Variants in LIN52 observed in about 807,000 individuals in gnomAD.
LIN52 encodes lin-52 DREAM MuvB core complex component, also known as protein lin-52 homolog.
Under a neutral mutation model 18.5 loss-of-function variants are expected in LIN52, and 4 were observed. That is an observed-to-expected ratio of 0.22 (90% CI 0.11 to 0.49). The LOEUF (loss-of-function observed/expected upper bound fraction) is 0.49. Among genes scored for constraint, LIN52 ranks in the 20% least tolerant of loss-of-function variants. The pLI is 0.97. For missense variants in LIN52, 102 were observed against 139.5 expected, an observed-to-expected ratio of 0.73 and a Z score of 1.35; for synonymous variants, 34 against 45.5, an observed-to-expected ratio of 0.75 and a Z score of 1.02.
intron 1 of LIN52, among the ~76,000 whole-genome samples, chr14:74,090,983 T>A (rs2060769090): frequency 6.6e-6 from 1 of 152,144 alleles, no homozygotes; most frequent in South Asian, 2.1e-4. Context: ...TGCAGGTGGG[T>A]TCATTGATAC....
chr14:74,086,323 C>T (rs185819073), intron 1 of LIN52, among the ~76,000 whole-genome samples: 75 of 152,032 alleles, frequency 4.9e-4, no homozygotes, highest in Non-Finnish European at 9.9e-4. Context: ...TAAGTTTAAC[C>T]GAGTCTTAAA....
intron 5 of LIN52, among the ~76,000 whole-genome samples, chr14:74,171,440 A>G (rs2061270160): frequency 1.3e-5 from 2 of 152,034 alleles, no homozygotes; most frequent in South Asian, 4.1e-4. Flanking sequence ...TGTTTCAGAA[A>G]GATGATTTTC....
chr14:74,106,583 A>G (rs919046002), intron 5 of LIN52, among the ~76,000 whole-genome samples: 15 of 150,694 alleles, frequency 1.0e-4, no homozygotes, highest in African/African-American at 3.4e-4. Context: ...AGCCTGATTT[A>G]TTATTTATTT....
chr14:74,139,360 G>A (rs1039639365), intron 5 of LIN52, among the ~76,000 whole-genome samples: 1 of 152,214 alleles, frequency 6.6e-6, no homozygotes, highest in Non-Finnish European at 1.5e-5. Context: ...CAAGAGCAGT[G>A]GGGTCAGTAG....
chr14:74,143,658 A>G (rs1346432311), intron 5 of LIN52, among the ~76,000 whole-genome samples: 2 of 152,126 alleles, frequency 1.3e-5, no homozygotes, highest in Non-Finnish European at 2.9e-5. Flanking sequence ...TTTTTAATTG[A>G]TACATTATAA....
intron 1 of LIN52, among the ~76,000 whole-genome samples, chr14:74,086,877 A>G (rs1406341385): frequency 6.6e-6 from 1 of 152,174 alleles, no homozygotes; most frequent in African/African-American, 2.4e-5. Flanking sequence ...CAATTAATGT[A>G]CTTAATACCA....
intron 5 of LIN52, among the ~76,000 whole-genome samples, chr14:74,165,924 T>A (rs1275237863): frequency 6.6e-6 from 1 of 151,836 alleles, no homozygotes; most frequent in Non-Finnish European, 1.5e-5. Flanking sequence ...AGAGTTTCGT[T>A]CTTCTTGCCC....
At chr14:74,086,641 C>T (rs1277819336) in intron 1 of LIN52, among the ~76,000 whole-genome samples, 1 of 150,972 alleles carries the variant, frequency 6.6e-6, no homozygotes, top group Non-Finnish European at 1.5e-5. Context: ...TGTGACAAAG[C>T]GAGACCCCGT....
intron 1 of LIN52, among the ~76,000 whole-genome samples, chr14:74,087,128 A>G (rs1384123880): frequency 1.3e-5 from 2 of 152,096 alleles, no homozygotes; most frequent in African/African-American, 4.8e-5. Context: ...TAAAAACATT[A>G]AATTTGGCTT....
In LIN52 at chr14:74,114,492, G is replaced by A. The variant is rs184938191; in HGVS notation, c.283+13254G>A. The A allele has an allele frequency of 1.1e-3, 923 of 865,116 alleles. 1 individual carries two copies. The highest frequency in any genetic ancestry group is 6.1e-3 in the South Asian group (115 of 18,910). The allele number at this position is 865,116 out of a possible 1,614,324, so 53.6% of individuals were successfully genotyped here. ...TTGGAATTTTTAGGAGTAGGTAAAT[G>A]TCTGGATGGGGATGTTACGGGATAA... On this transcript the variant is annotated intron_variant, in intron 5 of 5. Coordinates refer to ENST00000555028, the MANE Select transcript of LIN52 (RefSeq NM_001024674.3).
intron 5 of LIN52, among the ~76,000 whole-genome samples, chr14:74,125,791 A>G (rs1337488861): frequency 1.3e-5 from 2 of 151,314 alleles, no homozygotes; most frequent in Non-Finnish European, 2.9e-5. Context: ...CACAAGGATA[A>G]AAAACCAAAC....
chr14:74,103,178 A>T (rs144796319), intron 5 of LIN52, among the ~76,000 whole-genome samples: 22 of 152,068 alleles, frequency 1.4e-4, no homozygotes, highest in African/African-American at 5.3e-4. Flanking sequence ...TCTTGGGTTC[A>T]AGTGATTTTC....
chr14:74,090,683 C>T (rs760677781), intron 1 of LIN52, among the ~76,000 whole-genome samples: 2 of 152,072 alleles, frequency 1.3e-5, no homozygotes, highest in Non-Finnish European at 2.9e-5. Flanking sequence ...TTGATTGGTA[C>T]TGCTCCTTTT....
chr14:74,142,537 C>G (rs1217304606), intron 5 of LIN52, among the ~76,000 whole-genome samples: 1 of 151,998 alleles, frequency 6.6e-6, no homozygotes, highest in Admixed American at 6.5e-5. Flanking sequence ...TAGCCACTAA[C>G]TGCATGTGTT....
intron 5 of LIN52, among the ~76,000 whole-genome samples, chr14:74,133,271 G>C (rs575691238): frequency 6.6e-6 from 1 of 152,326 alleles, no homozygotes; most frequent in East Asian, 1.9e-4. Flanking sequence ...ATAAGCTGGG[G>C]AAGATGGAAG....
At chr14:74,184,496 A>T (rs909991519) in intron 5 of LIN52, among the ~76,000 whole-genome samples, 1 of 152,230 alleles carries the variant, frequency 6.6e-6, no homozygotes, top group African/African-American at 2.4e-5. Context: ...TTTTGGCAAG[A>T]ATGCTTCATA....
chr14:74,195,761 A>G (rs940813222), intron 5 of LIN52, among the ~76,000 whole-genome samples: 3 of 152,188 alleles, frequency 2.0e-5, no homozygotes, highest in Non-Finnish European at 4.4e-5. Context: ...CAATTTCACT[A>G]GGTTTGGGGG....
At chr14:74,114,593 TAACAAC>T (rs369626893) in intron 5 of LIN52, among the ~76,000 whole-genome samples, 3 of 152,170 alleles carry the variant, frequency 2.0e-5, no homozygotes, top group South Asian at 4.1e-4. Context: ...GATGCCTGCT[TAACAAC>T]AACAACAACA....
intron 5 of LIN52, among the ~76,000 whole-genome samples, chr14:74,170,001 C>T (rs2061263989): frequency 6.6e-6 from 1 of 152,114 alleles, no homozygotes; most frequent in African/African-American, 2.4e-5. Context: ...TAAAAATCTG[C>T]CAGATGGACA....
Sources: gnomAD v4.1 joint callset for allele counts (sites outside exome capture counted in the v4.1 genomes callset) on GRCh38, gnomAD v4.1.1 for gene constraint, MANE v1.5 for transcripts, NCBI Gene and HGNC (gene_info 2026-07-23, HGNC 2026-07-21) for gene names.